Variants in ADAM12 observed in about 807,000 individuals in gnomAD.
ADAM12 encodes the protein disintegrin and metalloproteinase domain-containing protein 12.
Under a neutral mutation model 106.4 loss-of-function variants are expected in ADAM12, and 70 were observed. That is an observed-to-expected ratio of 0.66 (90% CI 0.54 to 0.80). ADAM12 has a LOEUF of 0.80. Among genes scored for constraint, ADAM12 ranks in the 30% least tolerant of loss-of-function variants. The probability of loss-of-function intolerance (pLI) is 0.00; values close to 1 mark genes in which losing one functional copy is unlikely to be tolerated. For synonymous variants in ADAM12, 420 were observed against 433.5 expected (o/e 0.97, Z 0.39); for missense variants, 1,010 against 1,171.9 (o/e 0.86, Z 2.02).
At chr10:126,278,394 T>A (rs765440873) in intron 3 of ADAM12, among the ~76,000 whole-genome samples, 1 of 152,152 alleles carries the variant, frequency 6.6e-6, no homozygotes, top group Non-Finnish European at 1.5e-5. Context: ...GAAAAAGCCA[T>A]AATGCCATTT....
At chr10:126,092,326 G>A (rs534349242) in intron 11 of ADAM12, among the ~76,000 whole-genome samples, 2 of 152,256 alleles carry the variant, frequency 1.3e-5, no homozygotes, top group African/African-American at 4.8e-5. Context: ...TCAGTCTCCT[G>A]CCAAACTCAC....
chr10:126,201,999 C>T (rs565216259), intron 3 of ADAM12, among the ~76,000 whole-genome samples: 16 of 152,310 alleles, frequency 1.1e-4, no homozygotes, highest in African/African-American at 3.6e-4. Flanking sequence ...GGTCAGAGCT[C>T]GTCCAGTGGA....
chr10:126,156,009 G>A (rs553728878), intron 3 of ADAM12, among the ~76,000 whole-genome samples: 7 of 152,156 alleles, frequency 4.6e-5, no homozygotes, highest in South Asian at 4.1e-4. Context: ...TGCAAAGCAT[G>A]GGTTACTTAG....
chr10:126,073,917 G>A (rs1955049618), intron 11 of ADAM12, among the ~76,000 whole-genome samples: 1 of 152,176 alleles, frequency 6.6e-6, no homozygotes, highest in African/African-American at 2.4e-5. Context: ...CAATTTAGAA[G>A]GGTATTATAT....
intron 1 of ADAM12, among the ~76,000 whole-genome samples, chr10:126,373,522 A>G (rs2133923473): frequency 6.6e-6 from 1 of 152,322 alleles, no homozygotes; most frequent in East Asian, 1.9e-4. Context: ...TATTTTCTGT[A>G]CATTTTTATG....
At chr10:126,026,420 G>A (rs1953874068) in intron 21 of ADAM12, among the ~76,000 whole-genome samples, 1 of 152,088 alleles carries the variant, frequency 6.6e-6, no homozygotes, top group South Asian at 2.1e-4. Context: ...CAGCTCTGGA[G>A]CAAGTGGATC....
At chr10:126,159,415 T>C (rs995417652) in intron 3 of ADAM12, among the ~76,000 whole-genome samples, 4 of 151,854 alleles carry the variant, frequency 2.6e-5, no homozygotes, top group Admixed American at 2.6e-4. Context: ...TTATTACATA[T>C]ATTATTTACT....
intron 4 of ADAM12, among the ~76,000 whole-genome samples, chr10:126,152,843 C>T (rs1565098315): frequency 1.3e-5 from 2 of 152,156 alleles, no homozygotes; most frequent in Non-Finnish European, 2.9e-5. Context: ...GCAGGACACA[C>T]TCTTATCAAA....
chr10:126,143,579 T>TG, intron 4 of ADAM12, among the ~76,000 whole-genome samples: 1 of 107,600 alleles, frequency 9.3e-6, no homozygotes. Context: ...ATGTGTATAT[T>TG]TGTGTGTGTA....
chr10:126,142,554 T>C (rs1319178717), intron 4 of ADAM12, among the ~76,000 whole-genome samples: 3 of 152,222 alleles, frequency 2.0e-5, no homozygotes, highest in African/African-American at 7.2e-5. Flanking sequence ...CCCACAACCT[T>C]CCAGCGTGGG....
rs371671889 is a variant in ADAM12, at chr10:126,230,260, C to T, written c.260+48655G>A. Among the ~76,000 whole-genome samples the T allele has an allele frequency of 5.9e-5, 9 of 152,266 alleles. 1 individual carries two copies. The highest frequency in any genetic ancestry group is 1.9e-4 in the African/African-American group (8 of 41,562). On this transcript the variant is annotated intron_variant, in intron 3 of 22. Coordinates refer to ENST00000448723, the MANE Select transcript of ADAM12 (RefSeq NM_001288973.2). ...GGGTCAGGGACTGGATCTGTTTCTA[C>T]CCGCCCCTCACACCTTATATTTCCT...
intron 19 of ADAM12, among the ~76,000 whole-genome samples, chr10:126,038,627 G>A (rs1349137875): frequency 1.3e-5 from 2 of 152,182 alleles, no homozygotes; most frequent in Non-Finnish European, 2.9e-5. Flanking sequence ...TGGCATTTCA[G>A]CGATAATGTC....
intron 16 of ADAM12, among the ~76,000 whole-genome samples, chr10:126,046,559 C>T (rs1954325621): frequency 6.6e-6 from 1 of 151,906 alleles, no homozygotes; most frequent in South Asian, 2.1e-4. Flanking sequence ...AATACCAGCA[C>T]TTTGGGAGGC....
chr10:126,289,128 T>C (rs1435385065), intron 2 of ADAM12, among the ~76,000 whole-genome samples: 2 of 152,130 alleles, frequency 1.3e-5, no homozygotes, highest in South Asian at 2.1e-4. Context: ...GACAGGACCA[T>C]GTGGTGACTT....
At chr10:126,226,136 C>T (rs1298658604) in intron 3 of ADAM12, among the ~76,000 whole-genome samples, 3 of 146,924 alleles carry the variant, frequency 2.0e-5, no homozygotes, top group Non-Finnish European at 3.0e-5. Flanking sequence ...TTAAAGGTGA[C>T]GGCCCAGCAA....
chr10:126,178,406 ATCTT>A (rs1957257296), intron 3 of ADAM12, among the ~76,000 whole-genome samples: 1 of 120,868 alleles, frequency 8.3e-6, no homozygotes, highest in African/African-American at 3.6e-5. Context: ...ATTGGAGGAC[ATCTT>A]TTTTTTTTTT....
chr10:126,387,632 G>A (rs1564771326), intron 1 of ADAM12, among the ~76,000 whole-genome samples: 1 of 152,148 alleles, frequency 6.6e-6, no homozygotes, highest in East Asian at 1.9e-4. Context: ...GGGGAGGCGG[G>A]GCTGGAAAGG....
chr10:126,208,492 T>C (rs1957837847), intron 3 of ADAM12, among the ~76,000 whole-genome samples: 1 of 152,144 alleles, frequency 6.6e-6, no homozygotes, highest in Non-Finnish European at 1.5e-5. Flanking sequence ...CAAGCACAAA[T>C]AAATGTGGGA....
intron 1 of ADAM12, among the ~76,000 whole-genome samples, chr10:126,345,542 T>C (rs1855107838): frequency 1.3e-5 from 2 of 152,210 alleles, no homozygotes; most frequent in South Asian, 2.1e-4. Flanking sequence ...CCTCATAAAA[T>C]GAGTTAGGGA....
Sources: allele counts gnomAD v4.1 joint callset (sites outside exome capture counted in the v4.1 genomes callset), GRCh38; gene constraint gnomAD v4.1.1; transcripts MANE v1.5; gene names NCBI Gene and HGNC (gene_info 2026-07-23, HGNC 2026-07-21).